NTM: variants seen among roughly 807,000 people sequenced by gnomAD.
NTM encodes the protein neurotrimin, also known as IgLON family member 2.
NTM carries 13 observed loss-of-function variants against 42.1 expected under a neutral mutation model. The ratio of observed to expected loss-of-function variants is 0.31; its 90% CI spans 0.20 to 0.49. The LOEUF is 0.49. Among genes scored for constraint, NTM ranks in the 20% least tolerant of loss-of-function variants. The probability of loss-of-function intolerance (pLI) is 0.99; values close to 1 mark genes in which losing one functional copy is unlikely to be tolerated. For missense variants in NTM, 373 were observed against 452.8 expected, an observed-to-expected ratio of 0.82 and a Z score of 1.60; for synonymous variants, 187 against 179.2, an observed-to-expected ratio of 1.04 and a Z score of -0.35.
At chr11:132,032,874 T>C (rs12226818) in intron 2 of NTM, among the ~76,000 whole-genome samples, 9,711 of 152,298 alleles carry the variant, frequency 0.064, 363 homozygotes, top group South Asian at 0.17. Context: ...CCTAACATCC[T>C]AAGTTAAACT....
intron 2 of NTM, among the ~76,000 whole-genome samples, chr11:131,962,828 C>T (rs2062375598): frequency 6.6e-6 from 1 of 152,124 alleles, no homozygotes; most frequent in Admixed American, 6.5e-5. Context: ...TCCTTCCACC[C>T]CAAGTAGTGT....
intron 3 of NTM, among the ~76,000 whole-genome samples, chr11:132,184,023 T>C (rs1051660581): frequency 5.3e-5 from 8 of 152,084 alleles, no homozygotes; most frequent in African/African-American, 1.9e-4. Context: ...TGTTAAAGCT[T>C]CTCTATGGTG....
chr11:131,940,169 A>G (rs1029538672), intron 2 of NTM, among the ~76,000 whole-genome samples: 5 of 152,228 alleles, frequency 3.3e-5, no homozygotes, highest in South Asian at 2.1e-4. Context: ...TTGTCTTTAC[A>G]TTACATCTCT....
At chr11:131,911,356 T>C in intron 1 of NTM, 1 of 1,528,758 alleles carries the variant, frequency 6.5e-7, no homozygotes, top group Non-Finnish European at 8.8e-7. Context: ...TCCCCGCGCC[T>C]CCCGGTCGCC....
At chr11:132,122,335 C>T (rs1167737977) in intron 2 of NTM, among the ~76,000 whole-genome samples, 1 of 152,198 alleles carries the variant, frequency 6.6e-6, no homozygotes, top group Admixed American at 6.5e-5. Flanking sequence ...ATTTTCCCCA[C>T]TATGGTGTTC....
chr11:131,450,541 C>A (rs1334182617), intron 1 of NTM, among the ~76,000 whole-genome samples: 1 of 152,174 alleles, frequency 6.6e-6, no homozygotes, highest in Non-Finnish European at 1.5e-5. Flanking sequence ...TTGTCCTGGG[C>A]TGCTTGGCCA....
At chr11:131,503,252 A>C (rs911353978) in intron 1 of NTM, among the ~76,000 whole-genome samples, 1 of 152,162 alleles carries the variant, frequency 6.6e-6, no homozygotes, top group African/African-American at 2.4e-5. Context: ...AATCCTGTGC[A>C]CAGGTAAGGG....
At chr11:131,939,068 G>C (rs1767630828) in intron 2 of NTM, among the ~76,000 whole-genome samples, 1 of 152,170 alleles carries the variant, frequency 6.6e-6, no homozygotes, top group African/African-American at 2.4e-5. Flanking sequence ...GGAGAGATCA[G>C]CTTATATTTG....
chr11:131,528,126 C>T (rs2050760588), intron 1 of NTM, among the ~76,000 whole-genome samples: 2 of 152,118 alleles, frequency 1.3e-5, no homozygotes, highest in African/African-American at 4.8e-5. Context: ...TAAGGTGTAA[C>T]TTTCACCTCT....
chr11:131,981,793 C>A (rs2065276208), intron 2 of NTM, among the ~76,000 whole-genome samples: 1 of 151,916 alleles, frequency 6.6e-6, no homozygotes, highest in Non-Finnish European at 1.5e-5. Context: ...GGTGGAGCAC[C>A]TGAGGTCAGG....
chr11:132,134,331 A>T (rs932809785), intron 2 of NTM, among the ~76,000 whole-genome samples: 1 of 151,706 alleles, frequency 6.6e-6, no homozygotes, highest in Non-Finnish European at 1.5e-5. Context: ...TTATTTATTT[A>T]TTTTTTTATT....
chr11:132,331,472 A>T (rs1252137038), intron 8 of NTM, among the ~76,000 whole-genome samples: 1 of 152,190 alleles, frequency 6.6e-6, no homozygotes, highest in Non-Finnish European at 1.5e-5. Context: ...GTATGAAAAA[A>T]GTTTTTGTTT....
intron 1 of NTM, chr11:131,774,106 G>T (rs948754717): frequency 1.0e-6 from 1 of 985,166 alleles, no homozygotes; most frequent in Non-Finnish European, 1.2e-6. Context: ...CTTCCACCAA[G>T]CTTACAGTAC....
At chr11:132,177,827 C>T (rs560134430) in intron 3 of NTM, among the ~76,000 whole-genome samples, 6 of 152,238 alleles carry the variant, frequency 3.9e-5, no homozygotes, top group Admixed American at 3.9e-4. Flanking sequence ...ATGCACTCAT[C>T]CTGACTGGGT....
chr11:132,018,131 CT>C (rs2073738844), intron 2 of NTM, among the ~76,000 whole-genome samples: 2 of 151,636 alleles, frequency 1.3e-5, no homozygotes, highest in Admixed American at 6.6e-5. Flanking sequence ...GTCTCTCTGT[CT>C]CTCTTTTCCT....
At chr11:131,835,048 A>G (rs61903574) in intron 1 of NTM, among the ~76,000 whole-genome samples, 2 of 152,172 alleles carry the variant, frequency 1.3e-5, no homozygotes, top group Non-Finnish European at 2.9e-5. Flanking sequence ...TACAGCAGCA[A>G]AGAAGTTCAG....
In NTM at chr11:132,336,671, C is replaced by CTTTTT. The variant is rs61142048; in HGVS notation, c.*1533_*1537dup. 5.5e-5 allele frequency: 8 copies of CTTTTT among 144,308 alleles called. No individual in the cohort carries two copies. The highest frequency in any genetic ancestry group is 1.4e-4 in the Admixed American group (2 of 14,336). The allele number at this position is 144,308 out of a possible 1,614,324, so 8.9% of individuals were successfully genotyped here. A position where few individuals can be genotyped will look rare whatever the true frequency, so the allele number is the denominator to read the frequency against. Reference sequence around the variant, plus strand: ...GAAGAAAATGCAATTTTTAGGTAATCTTTTTTTTTTTTCCCCTCCCCTGAA... The same window carrying CTTTTT: ...GAAGAAAATGCAATTTTTAGGTAATCTTTTTTTTTTTTTTTTTCCCCTCCCCTGAA... On this transcript the variant is annotated 3_prime_UTR_variant, in exon 9 of 9. Coordinates refer to ENST00000683400, the MANE Select transcript of NTM (RefSeq NM_001352005.2).
intron 1 of NTM, among the ~76,000 whole-genome samples, chr11:131,412,337 A>C (rs189115669): frequency 1.1e-4 from 17 of 152,312 alleles, no homozygotes; most frequent in African/African-American, 3.6e-4. Context: ...GTTTTGGGGC[A>C]TTTCAGTTCC....
At chr11:131,981,014 G>A (rs1260528410) in intron 2 of NTM, 2 of 152,150 alleles carry the variant, frequency 1.3e-5, no homozygotes, top group Non-Finnish European at 2.9e-5. Context: ...GTGTGTATGT[G>A]TGTTTATAAT....
Sources: gnomAD v4.1 joint callset for allele counts (sites outside exome capture counted in the v4.1 genomes callset) on GRCh38, gnomAD v4.1.1 for gene constraint, MANE v1.5 for transcripts, NCBI Gene and HGNC (gene_info 2026-07-23, HGNC 2026-07-21) for gene names.